PCDHGA2: variants seen among roughly 807,000 people sequenced by gnomAD.
PCDHGA2 encodes protocadherin gamma subfamily A, 2, also known as protocadherin gamma-A2.
In PCDHGA2, 40 loss-of-function variants were observed where a neutral mutation model predicts 59.2. The ratio of observed to expected loss-of-function variants is 0.68; its 90% CI spans 0.52 to 0.88. The LOEUF is 0.88. Among genes scored for constraint, PCDHGA2 ranks in the 40% least tolerant of loss-of-function variants. The probability of loss-of-function intolerance (pLI) is 0.00; values close to 1 mark genes in which losing one functional copy is unlikely to be tolerated. For missense variants in PCDHGA2, 1,226 were observed against 1,204.0 expected, an observed-to-expected ratio of 1.02 and a Z score of -0.27; for synonymous variants, 560 against 526.0, an observed-to-expected ratio of 1.06 and a Z score of -0.89.
At chr5:141,394,198 T>C in intron 1 of PCDHGA2, 1 of 1,613,874 alleles carries the variant, frequency 6.2e-7, no homozygotes, top group East Asian at 2.2e-5. Context: ...GCGTATATCC[T>C]AGAGAACAAC....
At chr5:141,351,532 C>CA in intron 1 of PCDHGA2, 2 of 1,614,046 alleles carry the variant, frequency 1.2e-6, no homozygotes, top group Non-Finnish European at 1.7e-6. Flanking sequence ...CCGACAAGGG[C>CA]AAACCAGCCC....
intron 1 of PCDHGA2, chr5:141,475,850 G>A (rs2099376325): frequency 1.9e-5 from 9 of 464,524 alleles, no homozygotes; most frequent in Middle Eastern, 5.9e-4. Context: ...AGAGAGCCCG[G>A]CGCTAGCTCA....
chr5:141,430,337 C>G (rs531455580), intron 1 of PCDHGA2, among the ~76,000 whole-genome samples: 1 of 150,908 alleles, frequency 6.6e-6, no homozygotes, highest in East Asian at 2.0e-4. Context: ...TTTATAGAAA[C>G]TTCCAATTCA....
chr5:141,422,485 A>G, intron 1 of PCDHGA2: 2 of 1,613,980 alleles, frequency 1.2e-6, no homozygotes, highest in Non-Finnish European at 1.7e-6. Context: ...CCAGAGCTAC[A>G]ATATAACGTT....
At chr5:141,447,824 G>A (rs926580893) in intron 1 of PCDHGA2, among the ~76,000 whole-genome samples, 7 of 152,034 alleles carry the variant, frequency 4.6e-5, no homozygotes, top group Admixed American at 1.3e-4. Flanking sequence ...GGTGGCTCAC[G>A]CCTGTAATCC....
At chr5:141,413,827 G>A (rs2154544774) in intron 1 of PCDHGA2, 1 of 1,613,200 alleles carries the variant, frequency 6.2e-7, no homozygotes. Context: ...GGTCCTCACC[G>A]CCTCCGACGG....
rs759647406 is a variant in PCDHGA2 at position 141,493,849 on chromosome 5, A to G, written c.2425-958A>G. Among the ~76,000 whole-genome samples the G allele has an allele frequency of 6.6e-6, 1 of 152,178 alleles. No individual in the cohort carries two copies. The highest frequency in any genetic ancestry group is 1.5e-5 in the Non-Finnish European group (1 of 68,028). ...CTGGGAGCAAGTATGAGTATTAATT[A>G]CCAGCCCACCCCAGAACCAGTGAGG... On this transcript the variant is annotated intron_variant, in intron 1 of 3. Coordinates refer to ENST00000394576, the MANE Select transcript of PCDHGA2 (RefSeq NM_018915.4). The surrounding 1 kb of genome is among the most constrained non-coding windows in gnomAD (Gnocchi z 4.3).
intron 1 of PCDHGA2, chr5:141,404,996 G>C (rs776423830): frequency 6.2e-7 from 1 of 1,613,974 alleles, no homozygotes; most frequent in South Asian, 1.1e-5. Context: ...TCAGATCCCT[G>C]CAGACCTGGA....
chr5:141,464,290 A>AC (rs1287070540), intron 1 of PCDHGA2, among the ~76,000 whole-genome samples: 1 of 149,916 alleles, frequency 6.7e-6, no homozygotes, highest in Non-Finnish European at 1.5e-5. Context: ...AAAAAAAAAA[A>AC]CTCCATTGTA....
rs761720184 is a variant in PCDHGA2 at position 141,364,947 on chromosome 5, C to A, written c.2424+23552C>A. On this transcript the variant is annotated intron_variant, in intron 1 of 3. Coordinates refer to ENST00000394576, the MANE Select transcript of PCDHGA2 (RefSeq NM_018915.4). ...CAGCCCCTAGACCGCGAGAAAGAGA[C>A]TGTTCACGACCTCCTCCTCACAGCT... 3 of 1,613,826 alleles carry A rather than the reference C, an allele frequency of 1.9e-6. No homozygotes were observed. Among genetic ancestry groups the A allele is most frequent in the African/African-American group, 1.3e-5 (1 of 74,916 alleles).
rs532631149 is a variant in PCDHGA2, at chr5:141,506,489, C to A, written c.2572+1008C>A. On this transcript the variant is annotated intron_variant, in intron 3 of 3. Transcript: ENST00000394576. ...AAGAGCACAGGCTTTAGAGGCAGGC[C>A]AATCTGGATTCAAATCCTGGCACCT... 1.9e-4 allele frequency among the ~76,000 whole-genome samples: 29 copies of A among 150,750 alleles called. 1 individual carries two copies. In the South Asian group the frequency reaches 5.9e-3, roughly 31 times the overall value.
chr5:141,380,372 C>T lies in PCDHGA2; in HGVS notation c.2424+38977C>T, dbSNP rs73265858. On this transcript the variant is annotated intron_variant, in intron 1 of 3. Transcript: ENST00000394576. ...TTGTTTGTTTTTTAGAAAAAAAAGT[C>T]CCAAAAAAGAAAAGAGAGAAGATAA... 8.4e-3 allele frequency among the ~76,000 whole-genome samples: 1,279 copies of T among 152,058 alleles called. 17 individuals are homozygous for T. Among genetic ancestry groups the T allele is most frequent in the African/African-American group, 0.029 (1,214 of 41,474 alleles).
At chr5:141,397,824 A>G (rs2093574037) in intron 1 of PCDHGA2, among the ~76,000 whole-genome samples, 3 of 152,240 alleles carry the variant, frequency 2.0e-5, no homozygotes, top group Admixed American at 2.0e-4. Flanking sequence ...CAATTACTGC[A>G]CTGGTTAACT....
intron 1 of PCDHGA2, among the ~76,000 whole-genome samples, chr5:141,406,174 G>T (rs990967391): frequency 6.6e-6 from 1 of 151,264 alleles, no homozygotes; most frequent in African/African-American, 2.4e-5. Context: ...CTGGGCTTAT[G>T]CAATCCTCCC....
chr5:141,365,679 C>T lies in PCDHGA2; in HGVS notation c.2424+24284C>T, dbSNP rs1056119767. The T allele has an allele frequency of 1.2e-5, 19 of 1,613,416 alleles. No individual in the cohort carries two copies. The highest frequency in any genetic ancestry group is 1.4e-5 in the Non-Finnish European group (17 of 1,179,808). On this transcript the variant is annotated intron_variant, in intron 1 of 3. Transcript: ENST00000394576. ...GTAGCAGACGTTAATGACAACCCAC[C>T]CAATTTCCCTCAAGCCTCCTACTCC...
intron 1 of PCDHGA2, chr5:141,385,185 C>T: frequency 1.2e-6 from 2 of 1,614,214 alleles, no homozygotes; most frequent in African/African-American, 1.3e-5. Context: ...TCACCGCGGA[C>T]TCTCGGAAGA....
intron 1 of PCDHGA2, chr5:141,410,481 G>C: frequency 6.2e-7 from 1 of 1,613,966 alleles, no homozygotes; most frequent in Non-Finnish European, 8.5e-7. Flanking sequence ...GCACATACGG[G>C]TACAAAAGAG....
At chr5:141,359,901 C>T in intron 1 of PCDHGA2, 1 of 404,924 alleles carries the variant, frequency 2.5e-6, no homozygotes, top group Non-Finnish European at 4.3e-6. Flanking sequence ...TATTGACAAG[C>T]CATTAGTGCA....
At chr5:141,500,182 ATT>A (rs1199992745) in intron 2 of PCDHGA2, among the ~76,000 whole-genome samples, 2 of 131,622 alleles carry the variant, frequency 1.5e-5, no homozygotes, top group African/African-American at 3.1e-5. Flanking sequence ...CTTCATTTTT[ATT>A]TTTATTTATT....
Sources: gnomAD v4.1 joint callset for allele counts (sites outside exome capture counted in the v4.1 genomes callset) on GRCh38, gnomAD v4.1.1 for gene constraint, Gnocchi (gnomAD v3.1) non-coding constraint, MANE v1.5 for transcripts, NCBI Gene and HGNC (gene_info 2026-07-23, HGNC 2026-07-21) for gene names.